The following ATP13A3 variants were observed in gnomAD, a reference collection of about 807,000 sequenced individuals.
ATP13A3 encodes the protein polyamine-transporting ATPase 13A3.
Under a neutral mutation model 158.1 loss-of-function variants are expected in ATP13A3, and 59 were observed. The observed-to-expected ratio is 0.37, with a 90% confidence interval of 0.30 to 0.46. The LOEUF is 0.46. ATP13A3 is among the 20% of genes least tolerant of loss of function. The pLI is 1.00. For synonymous variants in ATP13A3, 491 were observed against 504.3 expected, an observed-to-expected ratio of 0.97 and a Z score of 0.35; for missense variants, 1,166 against 1,525.2, an observed-to-expected ratio of 0.76 and a Z score of 3.92.
At chr3:194,461,996 T>C (rs1719698577) in intron 3 of ATP13A3, 144 bp downstream of exon 3, 1 of 730,544 alleles carries the variant, frequency 1.4e-6, no homozygotes, top group East Asian at 2.7e-5. Context: ...ACAATCCCAA[T>C]TCAAAAGCAC....
At chr3:194,492,164 C>T (rs547593069) in intron 2 of ATP13A3, among the ~76,000 whole-genome samples, 194 of 152,246 alleles carry the variant, frequency 1.3e-3, no homozygotes, top group Non-Finnish European at 1.5e-3. Context: ...CTTCTCACCG[C>T]AGACCCCTTC....
At chr3:194,483,494 G>A (rs932696320) in intron 2 of ATP13A3, among the ~76,000 whole-genome samples, 1 of 151,818 alleles carries the variant, frequency 6.6e-6, no homozygotes, top group African/African-American at 2.4e-5. Flanking sequence ...GGAAGCTGAG[G>A]TGGGAGGACT....
At chr3:194,493,901 C>T (rs1397848174) in intron 2 of ATP13A3, 1 of 337,448 alleles carries the variant, frequency 3.0e-6, no homozygotes, top group African/African-American at 2.1e-5. Flanking sequence ...TATAACAATT[C>T]TAGGAAGGAG....
In ATP13A3 at chr3:194,425,328, A is replaced by C. The variant is rs1234227111; in HGVS notation, c.3313+14T>G. ...GGCAAGCAGGGTGGAAATCACAATAAATGCCAAACTTACAATTTTTGTAGC... is the reference window on the plus strand; with the variant it reads ...GGCAAGCAGGGTGGAAATCACAATACATGCCAAACTTACAATTTTTGTAGC... On this transcript the variant is annotated intron_variant, in intron 30 of 33. Transcript: ENST00000645319. 2 of 1,606,108 alleles carry C rather than the reference A, an allele frequency of 1.2e-6. No homozygotes were observed. Among genetic ancestry groups the C allele is most frequent in the South Asian group, 2.2e-5 (2 of 90,058 alleles).
chr3:194,472,886 G>A (rs941925368), intron 2 of ATP13A3, among the ~76,000 whole-genome samples: 5 of 152,086 alleles, frequency 3.3e-5, no homozygotes, highest in African/African-American at 1.2e-4. Flanking sequence ...CTAAGCATTC[G>A]AATTAATGCA....
Position 194,433,975 on chromosome 3 carries a change from A to G in ATP13A3, c.2121-79T>C, listed in dbSNP as rs951054662. 4.4e-6 allele frequency: 6 copies of G among 1,355,514 alleles called. No individual in the cohort carries two copies. In the African/African-American group the frequency reaches 7.4e-5, roughly 17 times the overall value. The allele number at this position is 1,355,514 out of a possible 1,614,324, so 84.0% of individuals were successfully genotyped here. A position where few individuals can be genotyped will look rare whatever the true frequency, so the allele number is the denominator to read the frequency against. The stretch of plus-strand genomic sequence containing the variant: ...TTATGTACACAAACTTGAAATATCT[A>G]AACAATTAAAAATGTCTATAAGTTA... On this transcript the variant is annotated intron_variant, in intron 20 of 33. Transcript: ENST00000645319.
At chr3:194,460,608 C>T (rs1719581351) in intron 4 of ATP13A3, 50 bp downstream of exon 4, 1 of 1,563,194 alleles carries the variant, frequency 6.4e-7, no homozygotes, top group Non-Finnish European at 8.7e-7. Flanking sequence ...TACACAAAGA[C>T]ATTGTTTTAC....
chr3:194,454,524 G>C, intron 8 of ATP13A3, 132 bp from the exon 9 acceptor site: 3 of 1,045,488 alleles, frequency 2.9e-6, no homozygotes, highest in Non-Finnish European at 4.1e-6. Flanking sequence ...ACGGCAAAAT[G>C]TACTTCCCTA....
At chr3:194,426,378 C>T (rs939620956) in intron 29 of ATP13A3, among the ~76,000 whole-genome samples, 1 of 152,002 alleles carries the variant, frequency 6.6e-6, no homozygotes, top group Non-Finnish European at 1.5e-5. Context: ...ATTTGTGATC[C>T]GTAAAGCACT....
At chr3:194,425,264 G>A (rs1319721221) in intron 30 of ATP13A3, 78 bp downstream of exon 30, 5 of 1,291,570 alleles carry the variant, frequency 3.9e-6, no homozygotes, top group Non-Finnish European at 2.2e-6. Flanking sequence ...CTGTGGCAAA[G>A]ACAGTTATAA....
At chr3:194,413,409 A>C (rs551966061) in intron 32 of ATP13A3, among the ~76,000 whole-genome samples, 6 of 152,256 alleles carry the variant, frequency 3.9e-5, no homozygotes, top group African/African-American at 1.2e-4. Flanking sequence ...TTTACTGTAC[A>C]TCACAAAACA....
rs1271888827 is a variant in ATP13A3 at position 194,420,087 on chromosome 3, T to G, written c.3314-120A>C. 1.7e-5 allele frequency: 19 copies of G among 1,119,120 alleles called. No individual in the cohort carries two copies. The South Asian group carries it at 3.8e-4, about 22-fold the overall frequency. The allele number at this position is 1,119,120 out of a possible 1,614,324, so 69.3% of individuals were successfully genotyped here. A position where few individuals can be genotyped will look rare whatever the true frequency, so the allele number is the denominator to read the frequency against. ...TTGGTTTTGAATACTTTCACTTCAG[T>G]TGATGGAATAAAGTATGTGCTCTGT... On this transcript the variant is annotated intron_variant, in intron 30 of 33. Transcript: ENST00000645319.
chr3:194,490,577 T>C (rs1315511446), upstream of ATP13A3, among the ~76,000 whole-genome samples: 2 of 152,256 alleles, frequency 1.3e-5, no homozygotes, highest in Admixed American at 6.5e-5. This position sits in a 1 kb window ranked among gnomAD's most constrained non-coding sequence, Gnocchi z 4.4. Context: ...CCAGGATCCA[T>C]TCCTGTGTCT....
chr3:194,437,440 G>A lies in ATP13A3; in HGVS notation c.1870C>T (p.Arg624Cys), dbSNP rs375504912. 28 of 1,613,992 alleles carry A rather than the reference G, an allele frequency of 1.7e-5. No homozygotes were observed. Among genetic ancestry groups the A allele is most frequent in the East Asian group, 4.5e-5 (2 of 44,894 alleles). ...AAAGCAGAAGAAAATGGGAACTGGCGAACAATTCCTATCTCATAAGTAGCC... is the reference window on the plus strand; with the variant it reads ...AAAGCAGAAGAAAATGGGAACTGGCAAACAATTCCTATCTCATAAGTAGCC... ...LPATYEIGIVRQFPFSSALQR... is the reference protein window; with the variant it reads ...LPATYEIGIVCQFPFSSALQR... Residue 624 changes from arginine (R) to cysteine (C), a missense_variant, in exon 19 of 34, where the codon CGC (arginine) becomes TGC (cysteine). Physicochemically the swap from Arg to Cys is radical, Grantham distance 180. Around this residue, in one of 3 missense-constraint regions of ATP13A3, gnomAD observed 997 missense variants for 1,341.2 expected, o/e 0.74. Transcript: ENST00000645319.
At chr3:194,406,169 G>T in intron 33 of ATP13A3, 53 bp from the exon 34 acceptor site, 1 of 1,581,044 alleles carries the variant, frequency 6.3e-7, no homozygotes, top group Admixed American at 1.7e-5. Context: ...TTAAAGGCTT[G>T]TCGTTTTAAA....
intron 2 of ATP13A3, among the ~76,000 whole-genome samples, chr3:194,470,799 T>C (rs568869238): frequency 9.8e-5 from 15 of 152,296 alleles, no homozygotes; most frequent in Admixed American, 2.6e-4. Context: ...GATTGCTAGA[T>C]AGATTTCAAA....
intron 33 of ATP13A3, 113 bp downstream of exon 33, chr3:194,412,086 A>T (rs1715478898): frequency 1.2e-6 from 1 of 811,712 alleles, no homozygotes. Flanking sequence ...ATAGAACAAG[A>T]ACACGCTAGA....
Position 194,459,457 on chromosome 3 carries a change from AG to A in ATP13A3, c.479+13del. On this transcript the variant is annotated intron_variant, in intron 6 of 33. Transcript: ENST00000645319. ...ATATTCAAAATACAATCCAAACAAAAGGAAGATACTTACTTTAAGAAATCAA... is the reference window on the plus strand; with the variant it reads ...ATATTCAAAATACAATCCAAACAAAAGAAGATACTTACTTTAAGAAATCAA... The A allele has an allele frequency of 1.1e-5, 16 of 1,505,500 alleles. No individual in the cohort carries two copies. The highest frequency in any genetic ancestry group is 1.5e-5 in the Non-Finnish European group (16 of 1,082,176). 93.3% of individuals were successfully genotyped at this position (1,505,500 alleles called of 1,614,324 possible).
At chr3:194,426,202 T>C (rs1307124417) in intron 29 of ATP13A3, among the ~76,000 whole-genome samples, 1 of 152,192 alleles carries the variant, frequency 6.6e-6, no homozygotes, top group Non-Finnish European at 1.5e-5. Flanking sequence ...TTTTTTTGCA[T>C]GTGCAGTGTT....
Sources: gnomAD v4.1 joint callset for allele counts (sites outside exome capture counted in the v4.1 genomes callset) on GRCh38, gnomAD v4.1.1 for gene constraint, gnomAD v4.1.1 regional missense constraint, Gnocchi (gnomAD v3.1) non-coding constraint, MANE v1.5 for transcripts, NCBI Gene and HGNC (gene_info 2026-07-23, HGNC 2026-07-21) for gene names.